Variants in CNTRL observed in about 807,000 individuals in gnomAD.
The protein encoded by CNTRL is 110 kDa centrosomal protein.
In CNTRL, 233 loss-of-function variants were observed where a neutral mutation model predicts 303.7. That is an observed-to-expected ratio of 0.77 (90% confidence interval 0.69 to 0.86). The LOEUF (loss-of-function observed/expected upper bound fraction) is 0.86, where lower values mean the gene tolerates loss of function less well. Ranked by LOEUF, CNTRL falls within the 40% of genes least tolerant of loss-of-function variation. CNTRL has a pLI of 0.00. For synonymous variants in CNTRL, 900 were observed against 922.2 expected (o/e 0.98, Z 0.44); for missense variants, 2,524 against 2,650.6 (o/e 0.95, Z 1.05).
At chr9:121,155,457 C>G (rs909508597) in intron 27 of CNTRL, among the ~76,000 whole-genome samples, 1 of 152,172 alleles carries the variant, frequency 6.6e-6, no homozygotes, top group Non-Finnish European at 1.5e-5. Context: ...TCTTGGCTCA[C>G]TGCAACCTCC....
chr9:121,161,368 T>C (rs534388362), intron 32 of CNTRL: 64 of 398,370 alleles, frequency 1.6e-4, no homozygotes, highest in South Asian at 7.1e-4. Context: ...AAAATTGTTA[T>C]ATAAATCTCA....
In CNTRL at chr9:121,140,653, C is replaced by T. The variant is rs747602353; in HGVS notation, c.2350C>T (p.Leu784=). The T allele has an allele frequency of 6.2e-7, 1 of 1,610,154 alleles. No homozygotes were observed. The highest frequency in any genetic ancestry group is 2.2e-5 in the East Asian group (1 of 44,760). ...KLKHLQDDNN[L]LKQQLKDFQN... ...TCCCCCTCCATAGGATGACAATAAT[C>T]TGTTAAAACAGCAACTTAAAGATTT... The change falls in exon 17 of 44, where the codon CTG becomes TTG. Residue 784 remains leucine (L), a synonymous_variant. Transcript: ENST00000373855.
intron 36 of CNTRL, 114 bp from the exon 37 acceptor site, chr9:121,167,375 A>G (rs1255767301): frequency 6.3e-6 from 5 of 793,288 alleles, no homozygotes; most frequent in East Asian, 2.7e-5. Context: ...ATAATAAAGG[A>G]AATAAACTTT....
At chr9:121,092,474 A>C (rs942563151) in intron 4 of CNTRL, among the ~76,000 whole-genome samples, 23 of 90,298 alleles carry the variant, frequency 2.5e-4, no homozygotes, top group African/African-American at 9.5e-4. Context: ...TATAATATAT[A>C]TCTATATATA....
At chr9:121,138,769 C>T (rs1654358198) in intron 16 of CNTRL, 90 bp downstream of exon 16, 3 of 1,335,216 alleles carry the variant, frequency 2.2e-6, no homozygotes. Context: ...CCTGCTCTAA[C>T]ATGTAGTAAG....
intron 14 of CNTRL, among the ~76,000 whole-genome samples, chr9:121,129,392 T>C (rs2050724200): frequency 6.6e-6 from 1 of 152,200 alleles, no homozygotes; most frequent in Non-Finnish European, 1.5e-5. Flanking sequence ...TTTACTCTCT[T>C]TGTAGCAATT....
chr9:121,139,340 G>T (rs1359493218), intron 16 of CNTRL, among the ~76,000 whole-genome samples: 1 of 152,090 alleles, frequency 6.6e-6, no homozygotes, highest in Non-Finnish European at 1.5e-5. Flanking sequence ...GAGGTTGCGG[G>T]CCTCTTGGCT....
intron 14 of CNTRL, among the ~76,000 whole-genome samples, chr9:121,128,882 C>T (rs1181373186): frequency 1.3e-5 from 1 of 75,034 alleles, no homozygotes; most frequent in Non-Finnish European, 2.9e-5. Context: ...TTCCCAGCAC[C>T]ATTTATTAGT....
Position 121,154,795 on chromosome 9 carries a change from A to G in CNTRL, c.4247A>G (p.Asp1416Gly). 1 of 1,612,778 alleles carries G rather than the reference A, an allele frequency of 6.2e-7. No individual in the cohort carries two copies. The highest frequency in any genetic ancestry group is 8.5e-7 in the Non-Finnish European group (1 of 1,178,740). The change falls in exon 27 of 44, where the codon GAT becomes GGT. Residue 1416 changes from aspartate (D) to glycine (G), a missense_variant. Transcript: ENST00000373855. Reference sequence around the variant, plus strand: ...GAAAAATCACTCAAACATCATGAAGATATTGTAGATGAAATTGAGTGCATT... The same window carrying G: ...GAAAAATCACTCAAACATCATGAAGGTATTGTAGATGAAATTGAGTGCATT... ...EIEKSLKHHE[D>G]IVDEIECIEK...
intron 26 of CNTRL, among the ~76,000 whole-genome samples, chr9:121,153,554 G>T (rs1276987820): frequency 6.6e-6 from 1 of 152,098 alleles, no homozygotes; most frequent in Non-Finnish European, 1.5e-5. Context: ...TAGCAACCTT[G>T]GTCATAGCAC....
At chr9:121,152,153 C>G (rs1022119696) in intron 25 of CNTRL, 2 of 238,476 alleles carry the variant, frequency 8.4e-6, no homozygotes, top group Non-Finnish European at 1.7e-5. Flanking sequence ...GAGCAGCCTT[C>G]TCAGAACTTT....
intron 2 of CNTRL, among the ~76,000 whole-genome samples, chr9:121,082,315 C>T (rs1349606124): frequency 6.6e-6 from 1 of 152,152 alleles, no homozygotes; most frequent in Non-Finnish European, 1.5e-5. Context: ...GATTGAAGCT[C>T]AGCTGCTATG....
In CNTRL at chr9:121,158,023, A is replaced by G. The variant is rs1363372401; in HGVS notation, c.4678A>G (p.Asn1560Asp). 6 of 1,614,150 alleles carry G rather than the reference A, an allele frequency of 3.7e-6. No individual in the cohort carries two copies. The highest frequency in any genetic ancestry group is 2.2e-5 in the East Asian group (1 of 44,884). The change falls in exon 30 of 44, where the codon AAT becomes GAT. Residue 1560 changes from asparagine (N) to aspartate (D), a missense_variant. Transcript: ENST00000373855. ...LQKDIEMAER[N>D]EDHHLQVLKE... is the part of the protein sequence containing the mutation. ...GAAAGACATAGAGATGGCAGAACGC[A>G]ATGAGGATCACCACCTGCAGGTCCT...
At chr9:121,143,022 T>A (rs1396568328) in intron 19 of CNTRL, among the ~76,000 whole-genome samples, 1 of 152,182 alleles carries the variant, frequency 6.6e-6, no homozygotes, top group Non-Finnish European at 1.5e-5. Flanking sequence ...TTCCACTGGT[T>A]GTTCCTGGAG....
chr9:121,151,384 CTTCTTTTT>C (rs563460519), intron 25 of CNTRL, among the ~76,000 whole-genome samples: 5 of 91,526 alleles, frequency 5.5e-5, no homozygotes, highest in South Asian at 1.3e-3. Flanking sequence ...CTTTTTTCTT[CTTCTTTTT>C]TTTTTTTTTT....
At position 121,118,497 on chromosome 9, in the gene CNTRL, T is replaced by C; in HGVS notation, c.1607T>C (p.Leu536Pro). Reference protein sequence around the residue: ...IAGKQKEIKDLQIAIDSLDSK... With the variant: ...IAGKQKEIKDPQIAIDSLDSK... ...GGAAAGCAGAAGGAGATTAAGGACC[T>C]GCAAATAGCCATAGATAGCCTGGAT... Residue 536 changes from leucine (L) to proline (P), a missense_variant, in exon 12 of 44, where the codon CTG (leucine) becomes CCG (proline). Transcript: ENST00000373855. 1 of 1,608,382 alleles carries C rather than the reference T, an allele frequency of 6.2e-7. No homozygotes were observed. The highest frequency in any genetic ancestry group is 1.7e-5 in the Admixed American group (1 of 59,440).
rs576226225 is a variant in CNTRL, at chr9:121,162,170, G to C, written c.5322G>C (p.Glu1774Asp). The C allele has an allele frequency of 2.4e-5, 38 of 1,614,138 alleles. No individual in the cohort carries two copies. Among genetic ancestry groups the C allele is most frequent in the Admixed American group, 3.3e-5 (2 of 60,022 alleles). The change falls in exon 34 of 44, where the codon GAG becomes GAC. Residue 1774 changes from glutamate to aspartate, a missense_variant. Physicochemically the swap from Glu to Asp is conservative, Grantham distance 45 (BLOSUM62 2). Transcript: ENST00000373855. ...GAGAAATAGAACGAATGACTGCTGAGTCCCGAGCTTTACAATCGTGTGTTG... is the reference window on the plus strand; with the variant it reads ...GAGAAATAGAACGAATGACTGCTGACTCCCGAGCTTTACAATCGTGTGTTG... ...DKREIERMTA[E>D]SRALQSCVEC...
chr9:121,175,111 G>A lies in CNTRL; in HGVS notation c.6841G>A (p.Val2281Ile), dbSNP rs2053465763. Residue 2281 changes from valine (V) to isoleucine (I), a missense_variant, in exon 43 of 44, where the codon GTA (valine) becomes ATA (isoleucine). Val to Ile is a conservative substitution (Grantham distance 29). Coordinates refer to ENST00000373855, the MANE Select transcript of CNTRL (RefSeq NM_007018.6). ...EGTLHSLRRQVDALGELVTST... is the reference protein window; with the variant it reads ...EGTLHSLRRQIDALGELVTST... The stretch of plus-strand genomic sequence containing the variant: ...CACTTTACACAGTTTGAGGAGACAA[G>A]TAGATGCTTTAGGGGAATTGGTCAC... 1 of 1,614,076 alleles carries A rather than the reference G, an allele frequency of 6.2e-7. No individual in the cohort carries two copies. Among genetic ancestry groups the A allele is most frequent in the East Asian group, 2.2e-5 (1 of 44,870 alleles).
At position 121,092,161 on chromosome 9, in the gene CNTRL, A is replaced by G. The variant is rs1447820005; in HGVS notation, c.348+1756A>G. On this transcript the variant is annotated intron_variant, in intron 4 of 43. Coordinates refer to ENST00000373855, the MANE Select transcript of CNTRL (RefSeq NM_007018.6). ...ATATATTTATATATGCTTATATATA[A>G]ATATATACATATTTTATAGATTTTA... Among the ~76,000 whole-genome samples, 6 of 147,086 alleles carry G rather than the reference A, an allele frequency of 4.1e-5. No individual in the cohort carries two copies. In the Admixed American group the frequency reaches 4.1e-4, roughly 10 times the overall value.
Sources: allele counts gnomAD v4.1 joint callset (sites outside exome capture counted in the v4.1 genomes callset), GRCh38; gene constraint gnomAD v4.1.1; transcripts MANE v1.5; gene names NCBI Gene and HGNC (gene_info 2026-07-23, HGNC 2026-07-21).